KRABD5: variants seen among roughly 807,000 people sequenced by gnomAD.
KRABD5 encodes the protein KRAB domain-containing protein 5.
chr16:31,735,477 G>A, the KRABD5 span, among the ~76,000 whole-genome samples: 1 of 152,038 alleles, frequency 6.6e-6, no homozygotes, highest in East Asian at 1.9e-4. Context: ...TAATTTTTCA[G>A]GAACCTCCAT....
chr16:31,714,816 T>G, the KRABD5 span, among the ~76,000 whole-genome samples: 1 of 152,178 alleles, frequency 6.6e-6, no homozygotes, highest in African/African-American at 2.4e-5. Context: ...GAGGTTGGGC[T>G]GGAAGGGAGA....
chr16:31,754,078 T>A, the KRABD5 span: 1 of 770,032 alleles, frequency 1.3e-6, no homozygotes, highest in South Asian at 1.5e-5. Flanking sequence ...TTTTTGAAAC[T>A]TACCTTTTCT....
the KRABD5 span, chr16:31,713,538 C>A: frequency 6.9e-7 from 1 of 1,459,198 alleles, no homozygotes; most frequent in Non-Finnish European, 9.2e-7. Flanking sequence ...CCTGAGTCCC[C>A]GCGGACGCAA....
At chr16:31,741,272 T>A in the KRABD5 span, among the ~76,000 whole-genome samples, 1 of 152,234 alleles carries the variant, frequency 6.6e-6, no homozygotes, top group African/African-American at 2.4e-5. Flanking sequence ...GTGATGAACA[T>A]ATGAGTGCAT....
At chr16:31,760,484 G>T in the KRABD5 span, 1 of 123,694 alleles carries the variant, frequency 8.1e-6, no homozygotes, top group South Asian at 3.1e-4. Context: ...TAGGGCCTCC[G>T]CATGTGACTG....
the KRABD5 span, chr16:31,756,676 AT>A: frequency 6.6e-6 from 1 of 152,314 alleles, no homozygotes; most frequent in Admixed American, 6.5e-5. Context: ...GTATACTTAA[AT>A]GCCATACTTT....
the KRABD5 span, among the ~76,000 whole-genome samples, chr16:31,721,792 T>G: frequency 6.6e-6 from 1 of 152,228 alleles, no homozygotes; most frequent in Non-Finnish European, 1.5e-5. Context: ...TCTCTGCTAT[T>G]CAAAAGTGTG....
chr16:31,754,141 A>C, the KRABD5 span: 1 of 695,756 alleles, frequency 1.4e-6, no homozygotes, highest in Non-Finnish European at 2.6e-6. Context: ...GTTTCAAATA[A>C]TCATTTAAAC....
At chr16:31,720,453 G>T in the KRABD5 span, among the ~76,000 whole-genome samples, 23 of 152,292 alleles carry the variant, frequency 1.5e-4, no homozygotes, top group East Asian at 4.4e-3. Context: ...CAAATGATGT[G>T]TATGCATATT....
At chr16:31,714,116 C>G in the KRABD5 span, among the ~76,000 whole-genome samples, 1 of 152,162 alleles carries the variant, frequency 6.6e-6, no homozygotes, top group African/African-American at 2.4e-5. Flanking sequence ...TATCTGTGTT[C>G]CATATTCTAC....
the KRABD5 span, among the ~76,000 whole-genome samples, chr16:31,714,858 A>G: frequency 6.6e-6 from 1 of 152,182 alleles, no homozygotes; most frequent in Non-Finnish European, 1.5e-5. Context: ...TGGAATTGTT[A>G]GTGTCCTGGG....
chr16:31,753,234 C>G, the KRABD5 span, among the ~76,000 whole-genome samples: 16 of 152,216 alleles, frequency 1.1e-4, no homozygotes, highest in African/African-American at 3.6e-4. Flanking sequence ...CTCTTAGGAG[C>G]CTTTAATCTC....
chr16:31,729,498 A>G, the KRABD5 span, among the ~76,000 whole-genome samples: 1 of 152,200 alleles, frequency 6.6e-6, no homozygotes, highest in South Asian at 2.1e-4. Context: ...AAGGACATTA[A>G]TACATTCATG....
At chr16:31,727,123 G>T in the KRABD5 span, among the ~76,000 whole-genome samples, 2 of 152,050 alleles carry the variant, frequency 1.3e-5, no homozygotes, top group African/African-American at 4.8e-5. Flanking sequence ...ATTTTTGTAT[G>T]GTAATTTTGT....
the KRABD5 span, chr16:31,754,280 C>A: frequency 1.6e-6 from 1 of 626,932 alleles, no homozygotes; most frequent in South Asian, 1.9e-5. Context: ...GTTTCACCAA[C>A]AAATAACACC....
At chr16:31,721,072 G>C in the KRABD5 span, among the ~76,000 whole-genome samples, 895 of 152,126 alleles carry the variant, frequency 5.9e-3, 8 homozygotes, top group Non-Finnish European at 9.4e-3. Flanking sequence ...AAATATAACA[G>C]CACTTAGAAT....
chr16:31,736,756 G>C, the KRABD5 span, among the ~76,000 whole-genome samples: 1 of 151,974 alleles, frequency 6.6e-6, no homozygotes, highest in African/African-American at 2.4e-5. Context: ...CTGACCTCAG[G>C]TGATCCACCC....
chr16:31,717,055 G>A, the KRABD5 span, among the ~76,000 whole-genome samples: 1 of 140,342 alleles, frequency 7.1e-6, no homozygotes, highest in East Asian at 2.1e-4. Context: ...GGAGTGCAGT[G>A]GTGCGTTCTT....
the KRABD5 span, among the ~76,000 whole-genome samples, chr16:31,726,763 AT>A: frequency 1.6e-4 from 24 of 152,246 alleles, no homozygotes; most frequent in African/African-American, 5.5e-4. Flanking sequence ...GCCTCAAAAA[AT>A]ATATATAAAA....
Sources: gnomAD v4.1 joint callset for allele counts (sites outside exome capture counted in the v4.1 genomes callset) on GRCh38, gnomAD v4.1.1 for gene constraint, MANE v1.5 for transcripts, NCBI Gene and HGNC (gene_info 2026-07-23, HGNC 2026-07-21) for gene names.